RGS7: variants seen among roughly 807,000 people sequenced by gnomAD.
RGS7 encodes regulator of G protein signaling 7.
Under a neutral mutation model 81.1 loss-of-function variants are expected in RGS7, and 27 were observed. The observed-to-expected ratio is 0.33, with a 90% confidence interval of 0.25 to 0.46. RGS7 has a LOEUF of 0.46. RGS7 is among the 20% of genes least tolerant of loss of function. The pLI is 1.00. For synonymous variants in RGS7, 208 were observed against 207.7 expected, an observed-to-expected ratio of 1.00 and a Z score of -0.01; for missense variants, 396 against 607.4, an observed-to-expected ratio of 0.65 and a Z score of 3.66.
chr1:241,277,567 C>T (rs1158418324), intron 2 of RGS7, among the ~76,000 whole-genome samples: 1 of 150,264 alleles, frequency 6.7e-6, no homozygotes, highest in African/African-American at 2.4e-5. Context: ...TGCAGTCAGC[C>T]GAGATCACGC....
chr1:241,324,906 T>C (rs2081406872), intron 2 of RGS7, among the ~76,000 whole-genome samples: 1 of 152,232 alleles, frequency 6.6e-6, no homozygotes, highest in Non-Finnish European at 1.5e-5. Flanking sequence ...TCATAGAGTA[T>C]TCTGTATTTC....
At chr1:241,275,850 A>T (rs542839980) in intron 2 of RGS7, among the ~76,000 whole-genome samples, 1 of 152,346 alleles carries the variant, frequency 6.6e-6, no homozygotes, top group East Asian at 1.9e-4. Flanking sequence ...CAACCAAAGA[A>T]ATCAAACCAG....
intron 6 of RGS7, 53 bp downstream of exon 6, chr1:240,930,664 T>C: frequency 6.7e-7 from 1 of 1,497,194 alleles, no homozygotes; most frequent in South Asian, 1.1e-5. Flanking sequence ...CAAGTACACA[T>C]CCATCTACAC....
chr1:241,163,425 G>T lies in RGS7; in HGVS notation c.79-64663C>A. On this transcript the variant is annotated intron_variant, in intron 2 of 18. Transcript: ENST00000440928. This position sits in a 1 kb window ranked among gnomAD's most constrained non-coding sequence, Gnocchi z 4.6. The stretch of plus-strand genomic sequence containing the variant: ...TAGCCATGCAAAGCTGTCTTTTGTC[G>T]GGGAGATACACATCTGCAGAGAAAA... Among the ~76,000 whole-genome samples the T allele has an allele frequency of 6.6e-6, 1 of 152,082 alleles. No homozygotes were observed. Among genetic ancestry groups the T allele is most frequent in the East Asian group, 1.9e-4 (1 of 5,200 alleles).
intron 18 of RGS7, among the ~76,000 whole-genome samples, chr1:240,785,657 G>A: frequency 6.6e-6 from 1 of 152,136 alleles, no homozygotes. Context: ...TGGGGGAGGA[G>A]AGACATGGTG....
chr1:240,849,967 C>T (rs1659806103), intron 9 of RGS7, among the ~76,000 whole-genome samples: 1 of 152,164 alleles, frequency 6.6e-6, no homozygotes, highest in South Asian at 2.1e-4. Context: ...ACTGGATTTA[C>T]CAAGAGGCAG....
intron 2 of RGS7, among the ~76,000 whole-genome samples, chr1:241,220,977 G>A (rs1558202924): frequency 0.062 from 4,502 of 72,294 alleles, 208 homozygotes; most frequent in East Asian, 0.11. Flanking sequence ...AAGGAAGGAA[G>A]GAAGGAAGGA....
intron 2 of RGS7, among the ~76,000 whole-genome samples, chr1:241,278,220 C>A (rs1338152874): frequency 6.6e-6 from 1 of 152,182 alleles, no homozygotes; most frequent in African/African-American, 2.4e-5. Flanking sequence ...TGCTTCACCA[C>A]ATTTTTCATG....
chr1:241,096,023 G>A (rs74562328), intron 3 of RGS7, among the ~76,000 whole-genome samples: 2,966 of 152,262 alleles, frequency 0.019, 110 homozygotes, highest in African/African-American at 0.068. Flanking sequence ...CCTTCCTTCC[G>A]TGTGGAACAG....
In RGS7 at chr1:240,777,213, C is replaced by T. The variant is rs576577018; in HGVS notation, c.*7-1000G>A. On this transcript the variant is annotated intron_variant, in intron 18 of 18. Coordinates refer to ENST00000440928, the MANE Select transcript of RGS7 (RefSeq NM_001364886.1). The stretch of plus-strand genomic sequence containing the variant: ...AGGAGAATCACTTGAACCCAGGACG[C>T]GGAGGTTGCAGTGGGCTGAGATCGC... 7.1e-4 allele frequency among the ~76,000 whole-genome samples: 108 copies of T among 151,932 alleles called. 1 individual carries two copies. In the South Asian group the frequency reaches 0.018, roughly 25 times the overall value.
At chr1:241,303,629 T>C (rs1374556529) in intron 2 of RGS7, among the ~76,000 whole-genome samples, 1 of 152,236 alleles carries the variant, frequency 6.6e-6, no homozygotes, top group Non-Finnish European at 1.5e-5. Flanking sequence ...TGAATAGTGA[T>C]CAAAATAAAA....
In RGS7 at chr1:241,081,810, A is replaced by G. The variant is rs571756947; in HGVS notation, c.175+16856T>C. On this transcript the variant is annotated intron_variant, in intron 3 of 18. Coordinates refer to ENST00000440928, the MANE Select transcript of RGS7 (RefSeq NM_001364886.1). Reference sequence around the variant, plus strand: ...CATCATTAATGATTTACTGTTGAGTACAGTTTACAATCTTAAGTAAAATAA... The same window carrying G: ...CATCATTAATGATTTACTGTTGAGTGCAGTTTACAATCTTAAGTAAAATAA... Among the ~76,000 whole-genome samples the G allele has an allele frequency of 2.0e-5, 3 of 152,370 alleles. No homozygotes were observed. In the South Asian group the frequency reaches 6.2e-4, roughly 32 times the overall value.
At chr1:240,962,521 C>T (rs565945599) in intron 4 of RGS7, among the ~76,000 whole-genome samples, 3 of 152,144 alleles carry the variant, frequency 2.0e-5, no homozygotes, top group Non-Finnish European at 4.4e-5. Flanking sequence ...ACCCACTAGA[C>T]AAGGTGCCAG....
At chr1:241,088,019 CACACACACAT>C (rs1558698228) in intron 3 of RGS7, among the ~76,000 whole-genome samples, 3 of 112,928 alleles carry the variant, frequency 2.7e-5, no homozygotes, top group African/African-American at 9.4e-5. Context: ...TATATATATA[CACACACACAT>C]ATATATATAC....
chr1:241,040,938 T>C (rs922667892), intron 3 of RGS7, among the ~76,000 whole-genome samples: 3 of 152,220 alleles, frequency 2.0e-5, no homozygotes, highest in African/African-American at 7.2e-5. Flanking sequence ...CAACTCCCTC[T>C]CATGTAAAAA....
chr1:241,149,585 C>T (rs1199138864), intron 2 of RGS7, among the ~76,000 whole-genome samples: 7 of 152,184 alleles, frequency 4.6e-5, no homozygotes, highest in Admixed American at 4.6e-4. Flanking sequence ...TGACCCTTTT[C>T]CCTTTGTCCA....
chr1:241,326,341 C>T (rs1157524698), intron 2 of RGS7, among the ~76,000 whole-genome samples: 2 of 152,180 alleles, frequency 1.3e-5, no homozygotes, highest in African/African-American at 2.4e-5. Flanking sequence ...CCATAGGCTA[C>T]CTTCTTGCTC....
At chr1:241,059,612 A>G (rs2061643767) in intron 3 of RGS7, among the ~76,000 whole-genome samples, 1 of 152,100 alleles carries the variant, frequency 6.6e-6, no homozygotes, top group Non-Finnish European at 1.5e-5. Context: ...ATGTTTGGCT[A>G]TAGGAAGGGG....
intron 9 of RGS7, among the ~76,000 whole-genome samples, chr1:240,834,450 A>G (rs2147843436): frequency 6.6e-6 from 1 of 152,308 alleles, no homozygotes; most frequent in South Asian, 2.1e-4. Flanking sequence ...AGTAGAAGTC[A>G]CAGACCATGA....
Sources: gnomAD v4.1 joint callset for allele counts (sites outside exome capture counted in the v4.1 genomes callset) on GRCh38, gnomAD v4.1.1 for gene constraint, Gnocchi (gnomAD v3.1) non-coding constraint, MANE v1.5 for transcripts, NCBI Gene and HGNC (gene_info 2026-07-23, HGNC 2026-07-21) for gene names.